Variants in AFG2A observed in about 807,000 individuals in gnomAD.
The protein encoded by AFG2A is ATPase family gene 2 protein homolog A.
chr4:122,952,391 T>C, the AFG2A span, among the ~76,000 whole-genome samples: 4 of 152,192 alleles, frequency 2.6e-5, no homozygotes, highest in African/African-American at 9.6e-5. Flanking sequence ...TTAGTCTCAG[T>C]GGGCCCCCTT....
At chr4:123,231,906 T>C in the AFG2A span, among the ~76,000 whole-genome samples, 2 of 151,968 alleles carry the variant, frequency 1.3e-5, no homozygotes, top group Non-Finnish European at 2.9e-5. Flanking sequence ...AAGTTTACCA[T>C]CTTATATGGG....
chr4:123,046,347 G>T, the AFG2A span, among the ~76,000 whole-genome samples: 1 of 152,102 alleles, frequency 6.6e-6, no homozygotes, highest in Non-Finnish European at 1.5e-5. Context: ...GTGCAGCTTT[G>T]ACATTTTACA....
the AFG2A span, among the ~76,000 whole-genome samples, chr4:123,085,424 C>A: frequency 0.014 from 2,191 of 152,264 alleles, 28 homozygotes; most frequent in Non-Finnish European, 0.025. Flanking sequence ...TCTTCTTAGA[C>A]AATTTACCCT....
the AFG2A span, among the ~76,000 whole-genome samples, chr4:123,198,139 G>A: frequency 6.6e-6 from 1 of 151,850 alleles, no homozygotes. Context: ...CATGGTGGTG[G>A]GTGCCTGTAA....
chr4:122,993,556 A>C, the AFG2A span, among the ~76,000 whole-genome samples: 65 of 152,240 alleles, frequency 4.3e-4, 1 homozygote, highest in South Asian at 1.0e-3. Flanking sequence ...GATTTTTAGA[A>C]ATAAAAGTAT....
the AFG2A span, among the ~76,000 whole-genome samples, chr4:123,241,784 C>T: frequency 6.6e-6 from 1 of 152,158 alleles, no homozygotes. Context: ...CTAGCCTGGG[C>T]AGTCAGGCAA....
the AFG2A span, among the ~76,000 whole-genome samples, chr4:123,135,579 G>A: frequency 6.6e-6 from 1 of 152,254 alleles, no homozygotes; most frequent in East Asian, 1.9e-4. Context: ...GAAAAAAATG[G>A]ATAGTTATGC....
the AFG2A span, among the ~76,000 whole-genome samples, chr4:122,967,553 C>G: frequency 6.6e-6 from 1 of 152,122 alleles, no homozygotes; most frequent in Non-Finnish European, 1.5e-5. Flanking sequence ...TACTTTAAAT[C>G]ATATAATCTA....
the AFG2A span, among the ~76,000 whole-genome samples, chr4:123,261,986 G>C: frequency 6.1e-5 from 9 of 148,636 alleles, no homozygotes; most frequent in African/African-American, 2.0e-4. Context: ...ATGTTGCCCA[G>C]CCTGGTCTTA....
the AFG2A span, chr4:122,923,222 G>C: frequency 8.5e-3 from 13,709 of 1,614,156 alleles, 906 homozygotes; most frequent in African/African-American, 0.15. Flanking sequence ...GCTTCCTCTT[G>C]TGCGGAGGCA....
At chr4:123,178,942 A>G in the AFG2A span, among the ~76,000 whole-genome samples, 248 of 152,322 alleles carry the variant, frequency 1.6e-3, 1 homozygote, top group Middle Eastern at 0.014. Flanking sequence ...TTTACACTAA[A>G]AAGGTTATTG....
chr4:123,180,488 T>A, the AFG2A span, among the ~76,000 whole-genome samples: 1 of 152,142 alleles, frequency 6.6e-6, no homozygotes, highest in Non-Finnish European at 1.5e-5. Flanking sequence ...GTGTGATTTG[T>A]TTTTGTGAGG....
chr4:123,180,206 T>G, the AFG2A span, among the ~76,000 whole-genome samples: 1 of 152,032 alleles, frequency 6.6e-6, no homozygotes. Flanking sequence ...GGCGACAGAG[T>G]GAGACTCTGT....
chr4:123,064,395 A>G, the AFG2A span, among the ~76,000 whole-genome samples: 1 of 152,216 alleles, frequency 6.6e-6, no homozygotes, highest in African/African-American at 2.4e-5. Context: ...ACTAGAAACT[A>G]CTTACATTGC....
chr4:123,114,363 C>CCTG, the AFG2A span, among the ~76,000 whole-genome samples: 4 of 152,148 alleles, frequency 2.6e-5, no homozygotes, highest in Admixed American at 6.5e-5. Context: ...CTGTCTGCAT[C>CCTG]CTGCTGCTGC....
chr4:122,943,088 G>A, the AFG2A span, among the ~76,000 whole-genome samples: 1 of 152,272 alleles, frequency 6.6e-6, no homozygotes, highest in South Asian at 2.1e-4. Flanking sequence ...GTGTGGTGTG[G>A]TGCTGAAAAG....
the AFG2A span, among the ~76,000 whole-genome samples, chr4:123,258,394 C>T: frequency 5.9e-5 from 9 of 152,210 alleles, no homozygotes; most frequent in African/African-American, 2.2e-4. Context: ...TTTCATTTCT[C>T]TCTCTCTGTT....
At chr4:123,252,780 AT>A in the AFG2A span, among the ~76,000 whole-genome samples, 2 of 151,988 alleles carry the variant, frequency 1.3e-5, no homozygotes, top group Non-Finnish European at 2.9e-5. Context: ...TTTGCAGTCC[AT>A]TTTTCCCTCT....
At chr4:123,308,944 A>G in the AFG2A span, among the ~76,000 whole-genome samples, 7,200 of 152,112 alleles carry the variant, frequency 0.047, 551 homozygotes, top group African/African-American at 0.16. Flanking sequence ...TCCTCTCCCC[A>G]TCTTCTCAGA....
Sources: allele counts gnomAD v4.1 joint callset (sites outside exome capture counted in the v4.1 genomes callset), GRCh38; gene constraint gnomAD v4.1.1; transcripts MANE v1.5; gene names NCBI Gene and HGNC (gene_info 2026-07-23, HGNC 2026-07-21).